The following LPO variants were observed in gnomAD, a reference collection of about 807,000 sequenced individuals.
LPO encodes salivary peroxidase.
A neutral mutation model predicts 68.4 loss-of-function variants in LPO; 70 were observed. The observed-to-expected ratio is 1.02, with a 90% CI of 0.84 to 1.25. The LOEUF is 1.25. Ranked by LOEUF, LPO falls within the 50% of genes most tolerant of loss-of-function variation. The pLI is 0.00. For synonymous variants in LPO, 360 were observed against 357.6 expected, an observed-to-expected ratio of 1.01 and a Z score of -0.08; for missense variants, 873 against 908.4, an observed-to-expected ratio of 0.96 and a Z score of 0.50.
rs779887938 is a variant in LPO, at chr17:58,267,612, GA to G, written c.1931+28del. 1.9e-6 allele frequency: 3 copies of G among 1,580,616 alleles called. No individual in the cohort carries two copies. The South Asian group carries it at 3.5e-5, about 18-fold the overall frequency. On this transcript the variant is annotated intron_variant, in intron 12 of 12. Transcript: ENST00000262290. The stretch of plus-strand genomic sequence containing the variant: ...GCAAGTGCGTCCTCAGCCAGGGAGG[GA>G]AGGGCAGGGCCCTTCTCCAAGAGGG...
intron 10 of LPO, 139 bp from the exon 11 acceptor site, chr17:58,266,014 C>A: frequency 1.3e-6 from 1 of 768,494 alleles, no homozygotes; most frequent in Non-Finnish European, 2.1e-6. Context: ...GTGCTCTTCT[C>A]TCCCTCCTTC....
rs143965199 is a variant in LPO at position 58,239,960 on chromosome 17, C to T, written c.-3+1221C>T. ...TTATTCATTCAGCATGCACCCAACA[C>T]CTATTATGTATTGACATGCTTAGGT... On this transcript the variant is annotated intron_variant, in intron 1 of 12. Transcript: ENST00000262290. Among the ~76,000 whole-genome samples the T allele has an allele frequency of 2.5e-3, 379 of 152,216 alleles. 1 individual carries two copies. Among genetic ancestry groups the T allele is most frequent in the African/African-American group, 8.8e-3 (367 of 41,526 alleles).
At position 58,252,461 on chromosome 17, in the gene LPO, T is replaced by C. The variant is rs755870072; in HGVS notation, c.1060T>C (p.Cys354Arg). ...LPYDSKKPSPCEFINTTARVP... is the reference protein window; with the variant it reads ...LPYDSKKPSPREFINTTARVP... ...CTATGACAGCAAGAAGCCAAGCCCC[T>C]GTGAGTTCATCAACACCACTGCCCG... The change falls in exon 8 of 13, where the codon TGT (cysteine) becomes CGT (arginine). Residue 354 changes from cysteine to arginine, a missense_variant. Cys to Arg is a radical substitution (Grantham distance 180). Coordinates refer to ENST00000262290, the MANE Select transcript of LPO (RefSeq NM_006151.3). 6.2e-7 allele frequency: 1 copy of C among 1,613,928 alleles called. No individual in the cohort carries two copies. Among genetic ancestry groups the C allele is most frequent in the Non-Finnish European group, 8.5e-7 (1 of 1,179,984 alleles).
At chr17:58,260,459 C>G (rs1024430029) in intron 9 of LPO, among the ~76,000 whole-genome samples, 1 of 152,164 alleles carries the variant, frequency 6.6e-6, no homozygotes, top group African/African-American at 2.4e-5. Context: ...AAGCAGGCAT[C>G]CTTGTCTTCC....
At chr17:58,244,457 C>A in intron 3 of LPO, 1 of 221,510 alleles carries the variant, frequency 4.5e-6, no homozygotes, top group Non-Finnish European at 8.9e-6. Flanking sequence ...CACCAGAAGC[C>A]GAATCCGAGC....
At chr17:58,239,208 T>G (rs1209918280) in intron 1 of LPO, among the ~76,000 whole-genome samples, 1 of 150,750 alleles carries the variant, frequency 6.6e-6, no homozygotes, top group Non-Finnish European at 1.5e-5. Context: ...GCCGGAGCTG[T>G]CAGGTCTTCA....
rs146132812 is a variant in LPO at position 58,259,530 on chromosome 17, T to C, written c.1266+4559T>C. On this transcript the variant is annotated intron_variant, in intron 9 of 12. Coordinates refer to ENST00000262290, the MANE Select transcript of LPO (RefSeq NM_006151.3). ...AGCCTTAAAACACTTTATTCTTCTT[T>C]TTCAAAATTGTTTTGGATATTCTAG... Among the ~76,000 whole-genome samples, 42 of 152,352 alleles carry C rather than the reference T, an allele frequency of 2.8e-4. No homozygotes were observed. The East Asian group carries it at 7.7e-3, about 28-fold the overall frequency.
chr17:58,253,022 C>CAAAAAAAAAAAAAAAAA (rs765890765), intron 8 of LPO, among the ~76,000 whole-genome samples: 19 of 31,054 alleles, frequency 6.1e-4, no homozygotes, highest in East Asian at 3.5e-3. Flanking sequence ...GACTCCATCT[C>CAAAAAAAAAAAAAAAAA]AAAAAAAAAA....
At chr17:58,249,793 GC>G (rs1215757059) in intron 6 of LPO, 98 bp downstream of exon 6, 25 of 1,419,714 alleles carry the variant, frequency 1.8e-5, no homozygotes, top group Non-Finnish European at 2.1e-5. Flanking sequence ...ATCGGTGGGG[GC>G]AGCAGGGGTG....
intron 11 of LPO, among the ~76,000 whole-genome samples, 187 bp downstream of exon 11, chr17:58,266,513 T>C (rs764088524): frequency 9.9e-5 from 15 of 151,976 alleles, no homozygotes; most frequent in Non-Finnish European, 2.1e-4. Flanking sequence ...CAGGCTAGAG[T>C]ACAGCGGTGC....
rs372135455 is a variant in LPO at position 58,249,485 on chromosome 17, G to T, written c.444-81G>T. On this transcript the variant is annotated intron_variant, in intron 5 of 12. Transcript: ENST00000262290. ...TGCGTCCCCTCCGCCTCGAGCAGAG[G>T]CTCCTTCCCCCATGGGGTCCTGGGC... 4 of 1,528,924 alleles carry T rather than the reference G, an allele frequency of 2.6e-6. No homozygotes were observed. The African/African-American group carries it at 4.2e-5, about 16-fold the overall frequency. 94.7% of individuals were successfully genotyped at this position (1,528,924 alleles called of 1,614,324 possible). A position where few individuals can be genotyped will look rare whatever the true frequency, so the allele number is the denominator to read the frequency against.
Position 58,245,241 on chromosome 17 carries a change from C to T in LPO, c.164+1160C>T, listed in dbSNP as rs370836541. On this transcript the variant is annotated intron_variant, in intron 3 of 12. Coordinates refer to ENST00000262290, the MANE Select transcript of LPO (RefSeq NM_006151.3). ...AAGAGAGTGCAGTCTCCTTCTCCCT[C>T]TTTCTGGGGCTCCTCCTTCCCAGCT... 3.3e-5 allele frequency among the ~76,000 whole-genome samples: 5 copies of T among 152,138 alleles called. No homozygotes were observed. The East Asian group carries it at 5.8e-4, about 18-fold the overall frequency.
chr17:58,250,464 T>C lies in LPO; in HGVS notation c.623T>C (p.Val208Ala). The C allele has an allele frequency of 6.2e-7, 1 of 1,614,160 alleles. No individual in the cohort carries two copies. Among genetic ancestry groups the C allele is most frequent in the Non-Finnish European group, 8.5e-7 (1 of 1,180,024 alleles). Residue 208 changes from valine to alanine, a missense_variant, in exon 7 of 13, where the codon GTT (valine) becomes GCT (alanine). Transcript: ENST00000262290. Reference protein sequence around the residue: ...KIVGYLNEEGVLDQNRSLLFM... With the variant: ...KIVGYLNEEGALDQNRSLLFM... ...GTTGGCTATCTGAATGAGGAGGGTG[T>C]TCTGGACCAAAACAGGTCCCTGCTC... is the stretch of plus-strand genomic sequence containing the variant.
chr17:58,254,881 G>T lies in LPO; in HGVS notation c.1176G>T (p.Arg392=). The change falls in exon 9 of 13, where the codon CGG becomes CGT. Residue 392 remains arginine, a synonymous_variant. Coordinates refer to ENST00000262290, the MANE Select transcript of LPO (RefSeq NM_006151.3). ...CCCTCTTTCTCCGCGAGCATAACCGGCTGGCCAGAGAACTAAAGAGACTCA... is the reference window on the plus strand; with the variant it reads ...CCCTCTTTCTCCGCGAGCATAACCGTCTGGCCAGAGAACTAAAGAGACTCA... ...SHTLFLREHN[R]LARELKRLNP... 1 of 1,614,122 alleles carries T rather than the reference G, an allele frequency of 6.2e-7. No individual in the cohort carries two copies. Among genetic ancestry groups the T allele is most frequent in the Non-Finnish European group, 8.5e-7 (1 of 1,180,020 alleles).
intron 10 of LPO, among the ~76,000 whole-genome samples, chr17:58,265,430 G>T (rs992131791): frequency 6.6e-6 from 1 of 152,072 alleles, no homozygotes; most frequent in Non-Finnish European, 1.5e-5. Context: ...AGGCTATGTT[G>T]TGTTGAAATT....
intron 1 of LPO, among the ~76,000 whole-genome samples, chr17:58,241,125 CTTTTTTTTTTT>C (rs1161572564): frequency 2.0e-4 from 18 of 91,280 alleles, no homozygotes; most frequent in Admixed American, 9.3e-4. Context: ...TTTCTTTTTT[CTTTTTTTTTTT>C]TTTTTTTTTT....
At chr17:58,250,779 T>C in intron 7 of LPO, 158 bp downstream of exon 7, 1 of 725,752 alleles carries the variant, frequency 1.4e-6, no homozygotes, top group Non-Finnish European at 2.3e-6. Flanking sequence ...ATCCGTTTAT[T>C]CAGTAAATAG....
chr17:58,251,550 C>T (rs1969959347), intron 7 of LPO: 1 of 227,314 alleles, frequency 4.4e-6, no homozygotes, highest in South Asian at 6.4e-5. Context: ...TCTTATTATT[C>T]ATGGGTATTA....
chr17:58,244,140 C>G lies in LPO; in HGVS notation c.164+59C>G, dbSNP rs1026453809. On this transcript the variant is annotated intron_variant, in intron 3 of 12. Coordinates refer to ENST00000262290, the MANE Select transcript of LPO (RefSeq NM_006151.3). ...ACACACACACACACACACTTCCCTT[C>G]ACAGGCTTCCTGTTCATGACAAGCA... The G allele has an allele frequency of 4.5e-6, 6 of 1,326,108 alleles. No homozygotes were observed. In the South Asian group the frequency reaches 7.2e-5, roughly 16 times the overall value. The allele number at this position is 1,326,108 out of a possible 1,614,324, so 82.1% of individuals were successfully genotyped here.
Sources: allele counts gnomAD v4.1 joint callset (sites outside exome capture counted in the v4.1 genomes callset), GRCh38; gene constraint gnomAD v4.1.1; transcripts MANE v1.5; gene names NCBI Gene and HGNC (gene_info 2026-07-23, HGNC 2026-07-21).